CCDC196: variants seen among roughly 807,000 people sequenced by gnomAD.
CCDC196 encodes coiled-coil domain-containing protein 196.
At chr14:66,491,923 T>G (rs2057547776) in intron 7 of CCDC196, 130 bp from the exon 8 acceptor site, 1 of 406,186 alleles carries the variant, frequency 2.5e-6, no homozygotes, top group East Asian at 3.6e-5. Flanking sequence ...CACAAATACT[T>G]TCTACCCAAC....
At chr14:66,491,355 C>T (rs1566714022) in intron 6 of CCDC196, among the ~76,000 whole-genome samples, 1 of 152,102 alleles carries the variant, frequency 6.6e-6, no homozygotes, top group African/African-American at 2.4e-5. Flanking sequence ...TCAGAACTTC[C>T]GTTCATTTGT....
intron 8 of CCDC196, among the ~76,000 whole-genome samples, chr14:66,493,320 A>G (rs1172002984): frequency 2.6e-5 from 4 of 152,242 alleles, no homozygotes; most frequent in Non-Finnish European, 4.4e-5. Flanking sequence ...TGGCAGAGGT[A>G]GGCTACAAAT....
intron 4 of CCDC196, among the ~76,000 whole-genome samples, chr14:66,490,184 T>G (rs1304190180): frequency 1.3e-5 from 2 of 151,906 alleles, no homozygotes; most frequent in Non-Finnish European, 2.9e-5. Context: ...AATTCCTCTA[T>G]CTAAATCCAG....
chr14:66,497,142 G>A (rs1272770288), intron 8 of CCDC196, among the ~76,000 whole-genome samples: 1 of 152,166 alleles, frequency 6.6e-6, no homozygotes, highest in African/African-American at 2.4e-5. Context: ...TCCTTGATAA[G>A]CAGTACTGTT....
chr14:66,494,176 A>G, intron 8 of CCDC196, among the ~76,000 whole-genome samples: 1 of 152,242 alleles, frequency 6.6e-6, no homozygotes, highest in Non-Finnish European at 1.5e-5. Flanking sequence ...CCACAAATTA[A>G]TGTAGCCACA....
At chr14:66,498,051 G>A (rs532244111) in intron 8 of CCDC196, 58 bp from the exon 9 acceptor site, 353 of 353,378 alleles carry the variant, frequency 1.0e-3, no homozygotes, top group Non-Finnish European at 1.6e-3. Context: ...AAAACTAGTG[G>A]TTTTTTTTTT....
chr14:66,492,279 A>C (rs1052790281), intron 8 of CCDC196, 85 bp downstream of exon 8: 58 of 408,928 alleles, frequency 1.4e-4, no homozygotes, highest in Non-Finnish European at 2.2e-5. Flanking sequence ...AGTGAGCAAC[A>C]CAATGCCTGG....
chr14:66,488,687 A>G (rs1445972535), intron 3 of CCDC196, among the ~76,000 whole-genome samples: 1 of 152,194 alleles, frequency 6.6e-6, no homozygotes, highest in Non-Finnish European at 1.5e-5. Flanking sequence ...TAAGCCCCCA[A>G]GAAATGGCCA....
At chr14:66,496,955 C>A (rs2057680431) in intron 8 of CCDC196, 1 of 152,340 alleles carries the variant, frequency 6.6e-6, no homozygotes, top group Non-Finnish European at 1.5e-5. Flanking sequence ...TATTCTCTAA[C>A]TCCTTCTGTT....
intron 4 of CCDC196, among the ~76,000 whole-genome samples, chr14:66,489,247 T>C (rs1019161471): frequency 2.0e-5 from 3 of 152,246 alleles, no homozygotes; most frequent in African/African-American, 7.2e-5. Flanking sequence ...CAGCCACTAA[T>C]TGTGGCATAA....
rs1217338153 is a variant in CCDC196 at position 66,491,117 on chromosome 14, T to C, written c.513+13T>C. 1 of 413,272 alleles carries C rather than the reference T, an allele frequency of 2.4e-6. No homozygotes were observed. The highest frequency in any genetic ancestry group is 4.4e-6 in the Non-Finnish European group (1 of 226,122). The allele number at this position is 413,272 out of a possible 1,614,324, so 25.6% of individuals were successfully genotyped here. On this transcript the variant is annotated intron_variant, in intron 6 of 9. Transcript: ENST00000636229. ...GGAGATAAGGAAGGTAGTACAGCCA[T>C]TCTGAATGGCAGTGGCTTTTAGAGC...
chr14:66,488,931 T>C (rs2057471944), intron 3 of CCDC196, 56 bp from the exon 4 acceptor site: 1 of 412,914 alleles, frequency 2.4e-6, no homozygotes, highest in African/African-American at 2.1e-5. Context: ...CCAAACCCAC[T>C]TCAATGGCTG....
At chr14:66,494,827 A>G (rs1034099270) in intron 8 of CCDC196, 1 of 151,968 alleles carries the variant, frequency 6.6e-6, no homozygotes, top group Admixed American at 6.6e-5. Context: ...AGATTGAGAC[A>G]ATCCTGGTTA....
Position 66,491,703 on chromosome 14 carries a change from G to A in CCDC196, c.573+18G>A, listed in dbSNP as rs2057540253. The A allele has an allele frequency of 7.3e-6, 3 of 413,710 alleles. No individual in the cohort carries two copies. Among genetic ancestry groups the A allele is most frequent in the Non-Finnish European group, 1.3e-5 (3 of 226,172 alleles). 25.6% of individuals were successfully genotyped at this position (413,710 alleles called of 1,614,324 possible). On this transcript the variant is annotated intron_variant, in intron 7 of 9. Coordinates refer to ENST00000636229, the MANE Select transcript of CCDC196 (RefSeq NM_001351576.1). ...TCCTTCAGGTACTAAGATCTTCCAA[G>A]GCTGGATATAGGATGCAATTTCATT...
chr14:66,487,814 A>G (rs1013927372), intron 2 of CCDC196, among the ~76,000 whole-genome samples: 2 of 152,208 alleles, frequency 1.3e-5, no homozygotes, highest in African/African-American at 4.8e-5. Flanking sequence ...AGGTTCTTCA[A>G]CCTCTTCTTA....
intron 2 of CCDC196, 82 bp from the exon 3 acceptor site, chr14:66,488,078 G>C: frequency 2.4e-6 from 1 of 408,878 alleles, no homozygotes; most frequent in Non-Finnish European, 4.5e-6. Context: ...TTTCATGGTA[G>C]AGTACTTTCT....
chr14:66,491,982 A>G (rs1388312559), intron 7 of CCDC196, 71 bp from the exon 8 acceptor site: 1 of 411,000 alleles, frequency 2.4e-6, no homozygotes, highest in Non-Finnish European at 4.4e-6. Flanking sequence ...CTGGGTAAAG[A>G]GGATTCAGGT....
Position 66,491,001 on chromosome 14 carries a change from G to C in CCDC196, c.430-20G>C, listed in dbSNP as rs1035835914. On this transcript the variant is annotated intron_variant, in intron 5 of 9. Transcript: ENST00000636229. ...TTTCCTAGGACCTCTTATTCCTTTAGCTCTCTTCTTTCATCCCAGGCTCCC... is the reference window on the plus strand; with the variant it reads ...TTTCCTAGGACCTCTTATTCCTTTACCTCTCTTCTTTCATCCCAGGCTCCC... The C allele has an allele frequency of 4.8e-6, 2 of 413,418 alleles. No individual in the cohort carries two copies. The highest frequency in any genetic ancestry group is 8.8e-6 in the Non-Finnish European group (2 of 226,144). The allele number at this position is 413,418 out of a possible 1,614,324, so 25.6% of individuals were successfully genotyped here.
At chr14:66,488,120 AG>A in intron 2 of CCDC196, 39 bp from the exon 3 acceptor site, 1 of 412,518 alleles carries the variant, frequency 2.4e-6, no homozygotes, top group East Asian at 3.6e-5. Context: ...ATTACCCTTA[AG>A]GAGGTATGTA....
Sources: allele counts gnomAD v4.1 joint callset (sites outside exome capture counted in the v4.1 genomes callset), GRCh38; gene constraint gnomAD v4.1.1; transcripts MANE v1.5; gene names NCBI Gene and HGNC (gene_info 2026-07-23, HGNC 2026-07-21).